Variants in TBX18 observed in about 807,000 individuals in gnomAD.
TBX18 encodes the protein T-box transcription factor 18.
In TBX18, 21 loss-of-function variants were observed where a neutral mutation model predicts 55.0. That is an observed-to-expected ratio of 0.38 (90% CI 0.27 to 0.55). The LOEUF is 0.55. TBX18 is among the 20% of genes least tolerant of loss of function. The probability of loss-of-function intolerance (pLI) is 0.73; values close to 1 mark genes in which losing one functional copy is unlikely to be tolerated. For missense variants in TBX18, 840 were observed against 799.6 expected, an observed-to-expected ratio of 1.05 and a Z score of -0.61; for synonymous variants, 342 against 326.1, an observed-to-expected ratio of 1.05 and a Z score of -0.53.
Position 84,732,637 on chromosome 6 carries a change from CTT to C in TBX18, c.*4046_*4047del, listed in dbSNP as rs1773834640. On this transcript the variant is annotated 3_prime_UTR_variant, in exon 8 of 8. Transcript: ENST00000369663. Reference sequence around the variant, plus strand: ...CATGAAAAAGAAATTTTATTAATGTCTTTTACTATTCACTATAAAGTAGCAAA... The same window carrying C: ...CATGAAAAAGAAATTTTATTAATGTCTTACTATTCACTATAAAGTAGCAAA... 1 of 152,018 alleles carries C rather than the reference CTT, an allele frequency of 6.6e-6. No homozygotes were observed. The highest frequency in any genetic ancestry group is 2.4e-5 in the African/African-American group (1 of 41,418). The allele number at this position is 152,018 out of a possible 1,614,324, so 9.4% of individuals were successfully genotyped here.
chr6:84,756,399 A>G (rs889436932), intron 4 of TBX18, among the ~76,000 whole-genome samples: 3 of 152,234 alleles, frequency 2.0e-5, no homozygotes, highest in African/African-American at 7.2e-5. Flanking sequence ...TCACAGTATA[A>G]TAATTAGCAC....
At chr6:84,746,347 T>A (rs1767185948) in intron 5 of TBX18, among the ~76,000 whole-genome samples, 1 of 149,392 alleles carries the variant, frequency 6.7e-6, no homozygotes, top group Non-Finnish European at 1.5e-5. Context: ...AAAATCGTTT[T>A]CTGTCCCTAA....
At position 84,737,216 on chromosome 6, in the gene TBX18, G is replaced by A. The variant is rs1451188540; in HGVS notation, c.1293C>T (p.Ser431=). Residue 431 remains serine, a synonymous_variant, in exon 8 of 8, where the codon AGC becomes AGT. Transcript: ENST00000369663. ...ARSGLTLNRY[S]TSLAETYNRL... is the part of the protein sequence containing the mutation. Reference sequence around the variant, plus strand: ...TGTTGTAGGTCTCTGCCAAAGATGTGCTGTATCGGTTGAGGGTGAGGCCTG... The same window carrying A: ...TGTTGTAGGTCTCTGCCAAAGATGTACTGTATCGGTTGAGGGTGAGGCCTG... 6.2e-7 allele frequency: 1 copy of A among 1,611,790 alleles called. No individual in the cohort carries two copies. Among genetic ancestry groups the A allele is most frequent in the African/African-American group, 1.3e-5 (1 of 74,900 alleles).
chr6:84,745,119 T>C (rs1338830164), intron 5 of TBX18, among the ~76,000 whole-genome samples: 4 of 152,188 alleles, frequency 2.6e-5, no homozygotes, highest in Admixed American at 6.5e-5. Context: ...ATGGTTCCTA[T>C]ATATGATGTT....
intron 4 of TBX18, among the ~76,000 whole-genome samples, chr6:84,753,734 C>T (rs2127878337): frequency 6.6e-6 from 1 of 152,240 alleles, no homozygotes; most frequent in South Asian, 2.1e-4. Flanking sequence ...TTAATCTAGC[C>T]TCATTTAGGG....
intron 4 of TBX18, among the ~76,000 whole-genome samples, chr6:84,750,509 G>GACATT (rs1371958183): frequency 1.3e-5 from 2 of 152,038 alleles, no homozygotes; most frequent in Non-Finnish European, 2.9e-5. Flanking sequence ...GGTTCTGTGT[G>GACATT]ACATTACATT....
At position 84,748,029 on chromosome 6, in the gene TBX18, C is replaced by T. The variant is rs1310413923; in HGVS notation, c.830G>A (p.Cys277Tyr). Reference protein sequence around the residue: ...QPRVHVIRKDCGDDLSPIKPV... With the variant: ...QPRVHVIRKDYGDDLSPIKPV... Reference sequence around the variant, plus strand: ...CTTGATGGGAGAAAGATCGTCTCCACAGTCTTTACGGATGACGTGCACTCG... The same window carrying T: ...CTTGATGGGAGAAAGATCGTCTCCATAGTCTTTACGGATGACGTGCACTCG... The change falls in exon 5 of 8, where the codon TGT (cysteine) becomes TAT (tyrosine). Residue 277 changes from cysteine to tyrosine, a missense_variant. Coordinates refer to ENST00000369663, the MANE Select transcript of TBX18 (RefSeq NM_001080508.3). 6.2e-7 allele frequency: 1 copy of T among 1,613,592 alleles called. No homozygotes were observed. Among genetic ancestry groups the T allele is most frequent in the Admixed American group, 1.7e-5 (1 of 60,004 alleles).
intron 4 of TBX18, among the ~76,000 whole-genome samples, chr6:84,752,478 T>C (rs948511745): frequency 2.6e-5 from 4 of 152,202 alleles, no homozygotes; most frequent in African/African-American, 7.2e-5. Flanking sequence ...ACAAACTCCA[T>C]AGCAAGGTAG....
At chr6:84,761,727 C>T (rs1191680536) in intron 2 of TBX18, among the ~76,000 whole-genome samples, 2 of 152,106 alleles carry the variant, frequency 1.3e-5, no homozygotes, top group Non-Finnish European at 2.9e-5. Context: ...CATGTGCCTA[C>T]CTCAAATTAA....
At chr6:84,737,753 C>G (rs1204715203) in intron 7 of TBX18, among the ~76,000 whole-genome samples, 1 of 152,122 alleles carries the variant, frequency 6.6e-6, no homozygotes, top group Non-Finnish European at 1.5e-5. Flanking sequence ...CTTGACAGAA[C>G]TTAAGGGGAG....
chr6:84,763,861 A>G lies in TBX18; in HGVS notation c.292+29T>C, dbSNP rs565525623. On this transcript the variant is annotated intron_variant, in intron 1 of 7. Coordinates refer to ENST00000369663, the MANE Select transcript of TBX18 (RefSeq NM_001080508.3). ...AGAAGTTCAGGTTCGCGCCGGAGAG[A>G]AGTTATAGGCAGGAAGGGGCCCACT... 4.6e-4 allele frequency: 666 copies of G among 1,458,996 alleles called. 8 individuals are homozygous for G. In the South Asian group the frequency reaches 8.9e-3, roughly 20 times the overall value. 90.4% of individuals were successfully genotyped at this position (1,458,996 alleles called of 1,614,324 possible). A position where few individuals can be genotyped will look rare whatever the true frequency, so the allele number is the denominator to read the frequency against.
At chr6:84,745,380 G>A (rs532631185) in intron 5 of TBX18, among the ~76,000 whole-genome samples, 1 of 152,130 alleles carries the variant, frequency 6.6e-6, no homozygotes, top group South Asian at 2.1e-4. Context: ...CTAAATTCCT[G>A]GGCTTAATGA....
intron 6 of TBX18, among the ~76,000 whole-genome samples, chr6:84,743,098 G>A (rs1269395344): frequency 6.6e-6 from 1 of 152,138 alleles, no homozygotes; most frequent in Non-Finnish European, 1.5e-5. Flanking sequence ...AGGAATATCT[G>A]CAAACTTTCC....
At chr6:84,763,087 T>G (rs925611317) in intron 1 of TBX18, 4 of 418,104 alleles carry the variant, frequency 9.6e-6, no homozygotes, top group East Asian at 5.4e-5. Flanking sequence ...CTGGGACGCT[T>G]GCCCGACGGA....
intron 6 of TBX18, chr6:84,741,583 C>A (rs1410172): frequency 6.6e-6 from 1 of 152,096 alleles, no homozygotes; most frequent in Admixed American, 6.6e-5. Context: ...TTAATTAAGG[C>A]AAATTGTTTC....
chr6:84,755,810 A>G (rs9450017), intron 4 of TBX18, among the ~76,000 whole-genome samples: 11,674 of 152,294 alleles, frequency 0.077, 1,500 homozygotes, highest in African/African-American at 0.26. Context: ...AGCAACTTCC[A>G]AACCATATCC....
At chr6:84,763,743 G>C (rs1198867407) in intron 1 of TBX18, 147 bp downstream of exon 1, 8 of 1,408,308 alleles carry the variant, frequency 5.7e-6, no homozygotes, top group Non-Finnish European at 6.4e-6. Context: ...CAGGTTGCGC[G>C]GCGAGCTTTG....
chr6:84,748,391 T>TAA, intron 4 of TBX18, among the ~76,000 whole-genome samples: 1 of 152,344 alleles, frequency 6.6e-6, no homozygotes, highest in African/African-American at 2.4e-5. Flanking sequence ...ATTTTATTTA[T>TAA]AATGAGCCCA....
At chr6:84,753,394 C>T (rs1476186883) in intron 4 of TBX18, among the ~76,000 whole-genome samples, 1 of 151,190 alleles carries the variant, frequency 6.6e-6, no homozygotes, top group Non-Finnish European at 1.5e-5. Context: ...CACTATGCTG[C>T]ACACTTGCAC....
Sources: allele counts gnomAD v4.1 joint callset (sites outside exome capture counted in the v4.1 genomes callset), GRCh38; gene constraint gnomAD v4.1.1; transcripts MANE v1.5; gene names NCBI Gene and HGNC (gene_info 2026-07-23, HGNC 2026-07-21).